ERCC6L2: variants seen among roughly 807,000 people sequenced by gnomAD.
The protein encoded by ERCC6L2 is DNA excision repair protein ERCC-6-like 2.
A neutral mutation model predicts 132.0 loss-of-function variants in ERCC6L2; 77 were observed. The ratio of observed to expected loss-of-function variants is 0.58; its 90% CI spans 0.49 to 0.71. The LOEUF (loss-of-function observed/expected upper bound fraction) is 0.71, where lower values mean the gene tolerates loss of function less well. Ranked by LOEUF, ERCC6L2 falls within the 30% of genes least tolerant of loss-of-function variation. ERCC6L2 has a pLI of 0.00. For synonymous variants in ERCC6L2, 583 were observed against 632.4 expected, an observed-to-expected ratio of 0.92 and a Z score of 1.17; for missense variants, 1,542 against 1,837.6, an observed-to-expected ratio of 0.84 and a Z score of 2.94.
At chr9:95,988,110 T>C (rs1833163105) in intron 17 of ERCC6L2, among the ~76,000 whole-genome samples, 1 of 152,222 alleles carries the variant, frequency 6.6e-6, no homozygotes, top group Non-Finnish European at 1.5e-5. Context: ...CCTCAGGGCC[T>C]GTGATGGGAG....
intron 11 of ERCC6L2, among the ~76,000 whole-genome samples, chr9:95,931,983 A>G (rs1410158806): frequency 2.0e-5 from 3 of 151,612 alleles, no homozygotes; most frequent in Non-Finnish European, 4.4e-5. Flanking sequence ...TTGGTTCTTT[A>G]AATCTCTGAA....
intron 12 of ERCC6L2, among the ~76,000 whole-genome samples, chr9:95,951,784 G>A (rs1232745553): frequency 6.6e-6 from 1 of 152,128 alleles, no homozygotes; most frequent in Non-Finnish European, 1.5e-5. Context: ...AACTGTGTAA[G>A]GAGATTGAAT....
Position 95,982,104 on chromosome 9 carries a change from A to G in ERCC6L2, c.3492+3889A>G, listed in dbSNP as rs140652861. On this transcript the variant is annotated intron_variant, in intron 17 of 18. Transcript: ENST00000653738. The stretch of plus-strand genomic sequence containing the variant: ...GCACTCTTGCAAGTGTTTGACAGAG[A>G]AATAACGGGTCGCTTTGTAGTAAAA... 1.1e-3 allele frequency among the ~76,000 whole-genome samples: 165 copies of G among 152,316 alleles called. 1 individual carries two copies. The highest frequency in any genetic ancestry group is 3.8e-3 in the African/African-American group (157 of 41,576).
chr9:96,034,975 T>C (rs990766008), intron 19 of ERCC6L2, among the ~76,000 whole-genome samples: 6 of 152,064 alleles, frequency 3.9e-5, no homozygotes, highest in African/African-American at 4.8e-5. Context: ...CTGGGTACAG[T>C]TGCTATTGCC....
chr9:96,027,325 C>G (rs1003340461), intron 19 of ERCC6L2, among the ~76,000 whole-genome samples: 2 of 152,148 alleles, frequency 1.3e-5, no homozygotes, highest in Non-Finnish European at 2.9e-5. Context: ...GACAGGCTGC[C>G]TGGGGAACCG....
At chr9:95,966,952 A>G (rs1832187421) in intron 14 of ERCC6L2, 4 of 313,626 alleles carry the variant, frequency 1.3e-5, no homozygotes, top group East Asian at 1.0e-4. Flanking sequence ...GCTGGGTAGT[A>G]TGAACTCCAA....
intron 11 of ERCC6L2, among the ~76,000 whole-genome samples, chr9:95,940,968 G>A (rs1830771341): frequency 6.6e-6 from 1 of 151,896 alleles, no homozygotes; most frequent in African/African-American, 2.4e-5. Flanking sequence ...CATTCCTTAG[G>A]CCTTGTAGTC....
intron 17 of ERCC6L2, among the ~76,000 whole-genome samples, chr9:95,980,592 G>A (rs1461967743): frequency 1.3e-5 from 2 of 152,016 alleles, no homozygotes; most frequent in African/African-American, 4.8e-5. Flanking sequence ...TCATCATATC[G>A]CGTCAATATT....
intron 17 of ERCC6L2, among the ~76,000 whole-genome samples, chr9:95,980,536 C>G (rs1832848311): frequency 6.6e-6 from 1 of 152,098 alleles, no homozygotes; most frequent in African/African-American, 2.4e-5. Context: ...CATTTCAAAG[C>G]TGTCTCACAG....
intron 16 of ERCC6L2, among the ~76,000 whole-genome samples, chr9:95,976,014 T>C (rs1832655562): frequency 6.6e-6 from 1 of 152,220 alleles, no homozygotes; most frequent in South Asian, 2.1e-4. Context: ...GATATTACTC[T>C]GCTTGTTCTC....
intron 9 of ERCC6L2, among the ~76,000 whole-genome samples, chr9:95,927,011 C>T (rs998699179): frequency 3.3e-5 from 5 of 151,900 alleles, no homozygotes; most frequent in Non-Finnish European, 7.4e-5. Flanking sequence ...ATGTGAAATT[C>T]AAATTACATA....
chr9:95,893,471 G>A (rs1423943881), intron 2 of ERCC6L2, among the ~76,000 whole-genome samples: 3 of 152,148 alleles, frequency 2.0e-5, no homozygotes, highest in South Asian at 2.1e-4. Context: ...CTCATAAAAC[G>A]AGGTCACAGT....
At chr9:95,883,972 C>T (rs1400812730) in intron 2 of ERCC6L2, among the ~76,000 whole-genome samples, 2 of 152,216 alleles carry the variant, frequency 1.3e-5, no homozygotes, top group Non-Finnish European at 2.9e-5. Flanking sequence ...ACATTTTAGT[C>T]TCAAATTTGA....
At chr9:96,025,778 T>C (rs55787215) in intron 19 of ERCC6L2, 16,461 of 152,236 alleles carry the variant, frequency 0.11, 976 homozygotes, top group African/African-American at 0.13. Flanking sequence ...TTGGGTCTAC[T>C]CTTCAACTTG....
chr9:95,970,455 C>A, intron 14 of ERCC6L2, 121 bp from the exon 15 acceptor site: 1 of 312,150 alleles, frequency 3.2e-6, no homozygotes, highest in South Asian at 4.8e-5. Flanking sequence ...AATGCTAAAG[C>A]AAGCTGCATG....
intron 13 of ERCC6L2, among the ~76,000 whole-genome samples, chr9:95,966,305 A>G (rs1440888077): frequency 6.6e-6 from 1 of 152,214 alleles, no homozygotes; most frequent in Non-Finnish European, 1.5e-5. Context: ...GATATTCTAT[A>G]GAGATGTAAT....
intron 17 of ERCC6L2, among the ~76,000 whole-genome samples, chr9:95,999,495 A>G (rs1833584792): frequency 1.3e-5 from 2 of 152,360 alleles, no homozygotes; most frequent in South Asian, 4.1e-4. Context: ...AGAAGTTATA[A>G]AACCAATTTA....
At chr9:95,952,279 C>T (rs79983219) in intron 12 of ERCC6L2, among the ~76,000 whole-genome samples, 4,591 of 151,162 alleles carry the variant, frequency 0.03, 95 homozygotes, top group East Asian at 0.13. Flanking sequence ...TACCCCAATA[C>T]CAAAATCAAA....
intron 19 of ERCC6L2, among the ~76,000 whole-genome samples, chr9:96,038,569 C>T (rs1204884755): frequency 1.3e-5 from 2 of 152,210 alleles, no homozygotes; most frequent in Admixed American, 1.3e-4. Flanking sequence ...ATTGGTCTCC[C>T]TCAGGGCTTA....
Sources: allele counts gnomAD v4.1 joint callset (sites outside exome capture counted in the v4.1 genomes callset), GRCh38; gene constraint gnomAD v4.1.1; transcripts MANE v1.5; gene names NCBI Gene and HGNC (gene_info 2026-07-23, HGNC 2026-07-21).